MAGI2: variants seen among roughly 807,000 people sequenced by gnomAD.
MAGI2 encodes membrane-associated guanylate kinase, WW and PDZ domain-containing protein 2.
Under a neutral mutation model 133.3 loss-of-function variants are expected in MAGI2, and 35 were observed. The ratio of observed to expected loss-of-function variants is 0.26; its 90% CI spans 0.20 to 0.35. The LOEUF is 0.35. Ranked by LOEUF, MAGI2 falls within the 10% of genes least tolerant of loss-of-function variation. MAGI2 has a pLI of 1.00. For synonymous variants in MAGI2, 729 were observed against 710.6 expected (o/e 1.03, Z -0.41); for missense variants, 1,636 against 1,863.4 (o/e 0.88, Z 2.25).
intron 2 of MAGI2, among the ~76,000 whole-genome samples, chr7:78,769,478 G>A (rs1228479057): frequency 6.8e-6 from 1 of 146,424 alleles, no homozygotes; most frequent in African/African-American, 2.6e-5. Flanking sequence ...AGTTTGTACT[G>A]AAGTAAAACC....
intron 21 of MAGI2, among the ~76,000 whole-genome samples, chr7:78,039,268 A>G (rs1300250025): frequency 2.6e-5 from 4 of 152,306 alleles, no homozygotes; most frequent in Non-Finnish European, 5.9e-5. Context: ...TGTAGATGTG[A>G]TCTCTCACAC....
intron 2 of MAGI2, among the ~76,000 whole-genome samples, chr7:78,865,535 A>G (rs1277776710): frequency 6.6e-6 from 1 of 152,228 alleles, no homozygotes; most frequent in East Asian, 1.9e-4. Flanking sequence ...AGTAATGCAC[A>G]GAGAATGAAT....
chr7:78,240,691 A>T lies in MAGI2; in HGVS notation c.2047+15252T>A, dbSNP rs10238177. On this transcript the variant is annotated intron_variant, in intron 10 of 21. Transcript: ENST00000354212. The stretch of plus-strand genomic sequence containing the variant: ...GTTAGCTAAAGGATAAAACCATCAC[A>T]GGAAGAATAAGTTCAAGAGATCTAT... Among the ~76,000 whole-genome samples, 1,926 of 151,992 alleles carry T rather than the reference A, an allele frequency of 0.013. 96 individuals are homozygous for T. In the East Asian group the frequency reaches 0.13, roughly 10 times the overall value.
chr7:79,037,149 A>G (rs1232750613), intron 1 of MAGI2, among the ~76,000 whole-genome samples: 1 of 152,186 alleles, frequency 6.6e-6, no homozygotes, highest in African/African-American at 2.4e-5. Flanking sequence ...CGTTTATGTA[A>G]GCAGCAATAT....
intron 1 of MAGI2, chr7:79,124,983 T>G (rs1337035016): frequency 7.3e-6 from 2 of 275,326 alleles, no homozygotes; most frequent in African/African-American, 4.5e-5. Flanking sequence ...GGAAGAGTTG[T>G]GGAAGCAAAG....
chr7:78,821,852 G>A (rs1314706562), intron 2 of MAGI2, among the ~76,000 whole-genome samples: 1 of 151,624 alleles, frequency 6.6e-6, no homozygotes, highest in Non-Finnish European at 1.5e-5. Context: ...GATAGATTTG[G>A]GTTAGATTTT....
chr7:78,720,761 A>G (rs990067064), intron 2 of MAGI2, among the ~76,000 whole-genome samples: 1 of 152,098 alleles, frequency 6.6e-6, no homozygotes, highest in East Asian at 1.9e-4. Flanking sequence ...TTGAGAAAAA[A>G]TCATCTTTTC....
chr7:79,039,810 C>CATATATACATATATTTCATTGTATATATT, intron 1 of MAGI2, among the ~76,000 whole-genome samples: 3 of 145,374 alleles, frequency 2.1e-5, no homozygotes, highest in Non-Finnish European at 4.5e-5. Flanking sequence ...TATGTATACA[C>CATATATACATATATTTCATTGTATATATT]ATATATACAT....
At chr7:78,262,235 C>A (rs1481465533) in intron 9 of MAGI2, among the ~76,000 whole-genome samples, 1 of 152,104 alleles carries the variant, frequency 6.6e-6, no homozygotes, top group Non-Finnish European at 1.5e-5. Flanking sequence ...AAAACAGATA[C>A]TTAGGCATGA....
chr7:78,878,354 A>G (rs1427677181), intron 2 of MAGI2, among the ~76,000 whole-genome samples: 1 of 152,166 alleles, frequency 6.6e-6, no homozygotes, highest in African/African-American at 2.4e-5. Context: ...GACCTTGTGA[A>G]TTATGTCCTG....
In MAGI2 at chr7:78,878,512, T is replaced by C. The variant is rs569422629; in HGVS notation, c.418+128578A>G. ...ATTGAAAATAATAGTAGTGATTTGC[T>C]TAAGACAGTCAATATAGAGTTTCAA... On this transcript the variant is annotated intron_variant, in intron 2 of 21. Coordinates refer to ENST00000354212, the MANE Select transcript of MAGI2 (RefSeq NM_012301.4). 2.6e-5 allele frequency among the ~76,000 whole-genome samples: 4 copies of C among 152,360 alleles called. No individual in the cohort carries two copies. In the South Asian group the frequency reaches 8.3e-4, roughly 32 times the overall value.
At chr7:78,621,580 G>A (rs1807743950) in intron 3 of MAGI2, among the ~76,000 whole-genome samples, 1 of 151,876 alleles carries the variant, frequency 6.6e-6, no homozygotes, top group Non-Finnish European at 1.5e-5. Context: ...AAATTCAAAT[G>A]AGCCATTCAG....
intron 1 of MAGI2, among the ~76,000 whole-genome samples, chr7:79,429,007 A>G (rs7780561): frequency 0.49 from 73,653 of 151,776 alleles, 18,206 homozygotes; most frequent in Middle Eastern, 0.66. Flanking sequence ...CTATATGTTG[A>G]TATATAACAG....
chr7:78,847,973 A>G (rs921142156), intron 2 of MAGI2, among the ~76,000 whole-genome samples: 1 of 151,962 alleles, frequency 6.6e-6, no homozygotes, highest in African/African-American at 2.4e-5. Flanking sequence ...TACCAGCAAA[A>G]TGAACACAGA....
chr7:79,197,530 CT>C (rs1228584279), intron 1 of MAGI2, among the ~76,000 whole-genome samples: 2 of 152,054 alleles, frequency 1.3e-5, no homozygotes, highest in Admixed American at 1.3e-4. Context: ...AACTTGGTCT[CT>C]TTCTAAGTAG....
chr7:78,183,939 T>C (rs1365214374), intron 13 of MAGI2, among the ~76,000 whole-genome samples: 1 of 152,260 alleles, frequency 6.6e-6, no homozygotes, highest in Non-Finnish European at 1.5e-5. Flanking sequence ...TTCAACCAAC[T>C]ATTTGGATTG....
At chr7:78,572,014 T>G (rs1278629229) in intron 3 of MAGI2, among the ~76,000 whole-genome samples, 1 of 152,202 alleles carries the variant, frequency 6.6e-6, no homozygotes, top group Non-Finnish European at 1.5e-5. Flanking sequence ...CATTTGGAAG[T>G]GTATATAGAT....
intron 3 of MAGI2, among the ~76,000 whole-genome samples, chr7:78,621,955 A>G (rs1246787417): frequency 6.6e-6 from 1 of 152,052 alleles, no homozygotes; most frequent in Non-Finnish European, 1.5e-5. Context: ...TCTAAAACCC[A>G]ATGGTGAGGC....
At chr7:79,301,387 G>A (rs951642619) in intron 1 of MAGI2, among the ~76,000 whole-genome samples, 9 of 152,250 alleles carry the variant, frequency 5.9e-5, no homozygotes, top group African/African-American at 2.2e-4. Flanking sequence ...TGCCCTGGAT[G>A]TGGGACATGG....
Sources: allele counts gnomAD v4.1 joint callset (sites outside exome capture counted in the v4.1 genomes callset), GRCh38; gene constraint gnomAD v4.1.1; transcripts MANE v1.5; gene names NCBI Gene and HGNC (gene_info 2026-07-23, HGNC 2026-07-21).